Variants in NAV3 observed in about 807,000 individuals in gnomAD.
NAV3 encodes the protein pore membrane and/or filament interacting like protein 1.
NAV3 carries 87 observed loss-of-function variants against 244.7 expected under a neutral mutation model. The ratio of observed to expected loss-of-function variants is 0.36; its 90% CI spans 0.30 to 0.42. The LOEUF (loss-of-function observed/expected upper bound fraction) is 0.42. Ranked by LOEUF, NAV3 falls within the 20% of genes least tolerant of loss-of-function variation. The probability of loss-of-function intolerance (pLI) is 1.00; values close to 1 mark genes in which losing one functional copy is unlikely to be tolerated. For missense variants in NAV3, 2,663 were observed against 2,893.3 expected, an observed-to-expected ratio of 0.92 and a Z score of 1.83; for synonymous variants, 1,126 against 1,042.2, an observed-to-expected ratio of 1.08 and a Z score of -1.55.
intron 2 of NAV3, among the ~76,000 whole-genome samples, chr12:77,768,786 C>A (rs1869923231): frequency 6.6e-6 from 1 of 152,238 alleles, no homozygotes; most frequent in South Asian, 2.1e-4. Flanking sequence ...GGCAGGGCTC[C>A]TGCCTGTTCC....
At chr12:77,961,685 AATATATGTT>A (rs1892027470) in intron 3 of NAV3, among the ~76,000 whole-genome samples, 1 of 147,440 alleles carries the variant, frequency 6.8e-6, no homozygotes, top group African/African-American at 2.5e-5. Context: ...TAATATATGT[AATATATGTT>A]ATATAATATA....
intron 5 of NAV3, among the ~76,000 whole-genome samples, chr12:77,982,218 A>ATAGAGTACTCTTATAGAGTACCT (rs1593189401): frequency 7.4e-6 from 1 of 134,686 alleles, no homozygotes; most frequent in African/African-American, 2.5e-5. Context: ...CATATGGCTT[A>ATAGAGTACTCTTATAGAGTACCT]ATGAAAGATG....
intron 2 of NAV3, among the ~76,000 whole-genome samples, chr12:77,823,862 C>T (rs1305581438): frequency 6.6e-6 from 1 of 152,036 alleles, no homozygotes; most frequent in East Asian, 1.9e-4. Context: ...TATAAATATG[C>T]TCCATATGTT....
chr12:78,085,430 A>G (rs891859436), intron 12 of NAV3, among the ~76,000 whole-genome samples: 4 of 152,162 alleles, frequency 2.6e-5, no homozygotes, highest in African/African-American at 9.6e-5. Flanking sequence ...TGGCCAAAAC[A>G]CATCACATGC....
intron 19 of NAV3, 143 bp from the exon 20 acceptor site, chr12:78,140,139 T>G: frequency 1.5e-6 from 1 of 669,566 alleles, no homozygotes; most frequent in Non-Finnish European, 2.6e-6. Flanking sequence ...CAAAAAATTA[T>G]AGCAGGCTGG....
chr12:78,164,234 G>T (rs1254966308), intron 23 of NAV3, among the ~76,000 whole-genome samples: 1 of 152,066 alleles, frequency 6.6e-6, no homozygotes, highest in Non-Finnish European at 1.5e-5. Context: ...CATATGTTAA[G>T]GTATGAGGGG....
chr12:77,946,066 C>A (rs967228124), intron 3 of NAV3, among the ~76,000 whole-genome samples: 2 of 145,756 alleles, frequency 1.4e-5, no homozygotes, highest in African/African-American at 5.1e-5. Flanking sequence ...GCCATGGATA[C>A]CTTATAATAA....
At chr12:77,742,041 A>C (rs1868346350) in intron 2 of NAV3, among the ~76,000 whole-genome samples, 2 of 151,982 alleles carry the variant, frequency 1.3e-5, no homozygotes, top group African/African-American at 4.8e-5. Context: ...TTTAATTATT[A>C]CCGTGTACTC....
At position 77,739,727 on chromosome 12, in the gene NAV3, TA is replaced by T. The variant is rs1389589247; in HGVS notation, c.72+167463del. 7.9e-5 allele frequency among the ~76,000 whole-genome samples: 12 copies of T among 152,312 alleles called. No individual in the cohort carries two copies. In the East Asian group the frequency reaches 2.3e-3, roughly 29 times the overall value. On this transcript the variant is annotated intron_variant, in intron 2 of 8. Coordinates refer to the NAV3 transcript ENST00000550042. ...TGTGAGAAGTAAACAGATTTCATTT[TA>T]ACCTCAACTATTCTACTCAACTCTT... is the stretch of plus-strand genomic sequence containing the variant.
At chr12:78,079,166 G>T (rs1259785532) in intron 12 of NAV3, among the ~76,000 whole-genome samples, 1 of 152,166 alleles carries the variant, frequency 6.6e-6, no homozygotes, top group African/African-American at 2.4e-5. Flanking sequence ...ATGAAGAACT[G>T]ATGTGCCATT....
At chr12:78,020,240 A>G (rs900721930) in intron 8 of NAV3, among the ~76,000 whole-genome samples, 1 of 152,166 alleles carries the variant, frequency 6.6e-6, no homozygotes, top group Non-Finnish European at 1.5e-5. Flanking sequence ...AATTTTTGCC[A>G]TAAAAGCCAA....
At chr12:77,776,369 C>T (rs1255570039) in intron 2 of NAV3, among the ~76,000 whole-genome samples, 1 of 152,186 alleles carries the variant, frequency 6.6e-6, no homozygotes. Flanking sequence ...TTAACAGCTC[C>T]ATACATTTTG....
chr12:77,572,946 C>T (rs1363960185), intron 2 of NAV3, among the ~76,000 whole-genome samples: 2 of 152,170 alleles, frequency 1.3e-5, no homozygotes, highest in South Asian at 4.1e-4. Flanking sequence ...AATTGCTCCA[C>T]TGGAGTGAGA....
At chr12:77,828,634 C>T (rs1873266142), upstream of NAV3, among the ~76,000 whole-genome samples, 1 of 152,000 alleles carries the variant, frequency 6.6e-6, no homozygotes, top group African/African-American at 2.4e-5. Context: ...ATGACAACTC[C>T]TGGCACAAAG....
intron 8 of NAV3, among the ~76,000 whole-genome samples, chr12:78,010,056 A>T (rs920262751): frequency 1.3e-5 from 2 of 152,192 alleles, no homozygotes; most frequent in African/African-American, 4.8e-5. Context: ...TTCTACAATA[A>T]ATAAATAAAT....
At chr12:77,986,119 T>C (rs1267879689) in intron 5 of NAV3, among the ~76,000 whole-genome samples, 1 of 152,190 alleles carries the variant, frequency 6.6e-6, no homozygotes, top group Non-Finnish European at 1.5e-5. Context: ...CCCAGCACTT[T>C]GGGAGGCCAA....
At chr12:77,680,649 GGAA>G (rs1413808119) in intron 2 of NAV3, among the ~76,000 whole-genome samples, 2 of 152,132 alleles carry the variant, frequency 1.3e-5, no homozygotes, top group Non-Finnish European at 2.9e-5. Context: ...ATTCAAGCAA[GGAA>G]GAAGAATGCT....
chr12:77,772,916 T>C (rs1476023064), intron 2 of NAV3, among the ~76,000 whole-genome samples: 1 of 152,220 alleles, frequency 6.6e-6, no homozygotes, highest in Non-Finnish European at 1.5e-5. Flanking sequence ...GTTGGCATTA[T>C]GACTTGTCAT....
chr12:77,574,256 C>G (rs541043127), intron 2 of NAV3, among the ~76,000 whole-genome samples: 1 of 152,016 alleles, frequency 6.6e-6, no homozygotes, highest in Non-Finnish European at 1.5e-5. Flanking sequence ...AAAAAGTAGC[C>G]TTGATATGTA....
Sources: allele counts gnomAD v4.1 joint callset (sites outside exome capture counted in the v4.1 genomes callset), GRCh38; gene constraint gnomAD v4.1.1; transcripts MANE v1.5; gene names NCBI Gene and HGNC (gene_info 2026-07-23, HGNC 2026-07-21).